The following ANKS1B variants were observed in gnomAD, a reference collection of about 807,000 sequenced individuals.
ANKS1B encodes the protein ankyrin repeat and sterile alpha motif domain-containing protein 1B.
A neutral mutation model predicts 148.3 loss-of-function variants in ANKS1B; 36 were observed. The ratio of observed to expected loss-of-function variants is 0.24; its 90% confidence interval spans 0.19 to 0.32. The LOEUF (loss-of-function observed/expected upper bound fraction) is 0.32, where lower values mean the gene tolerates loss of function less well. ANKS1B is among the 10% of genes least tolerant of loss of function. The pLI, the probability that ANKS1B is intolerant of heterozygous loss-of-function variation, is 1.00. For missense variants in ANKS1B, 1,157 were observed against 1,542.6 expected (o/e 0.75, Z 4.19); for synonymous variants, 542 against 560.8 (o/e 0.97, Z 0.47).
At chr12:98,894,991 A>AGCGGCAGCGGCG (rs2099761668) in intron 17 of ANKS1B, 2 of 716,130 alleles carry the variant, frequency 2.8e-6, no homozygotes, top group Non-Finnish European at 3.4e-6. Context: ...CCCTGGCGGC[A>AGCGGCAGCGGCG]GCGGCGGCGG....
intron 16 of ANKS1B, among the ~76,000 whole-genome samples, chr12:99,064,067 T>C (rs1006142533): frequency 2.0e-5 from 3 of 152,208 alleles, no homozygotes; most frequent in African/African-American, 7.2e-5. Flanking sequence ...CACCACTGAC[T>C]GAGCCTTACT....
intron 1 of ANKS1B, among the ~76,000 whole-genome samples, chr12:99,933,677 A>G (rs2094684168): frequency 6.6e-6 from 1 of 152,136 alleles, no homozygotes; most frequent in South Asian, 2.1e-4. Context: ...AGACTATATC[A>G]TCTGCAAACA....
At chr12:99,431,912 G>A (rs903054852) in intron 11 of ANKS1B, among the ~76,000 whole-genome samples, 2 of 152,084 alleles carry the variant, frequency 1.3e-5, no homozygotes, top group Non-Finnish European at 2.9e-5. Context: ...CCTAGTAGAG[G>A]GTATTTGGGT....
chr12:99,216,647 T>C (rs1391546827), intron 14 of ANKS1B, among the ~76,000 whole-genome samples: 5 of 152,220 alleles, frequency 3.3e-5, no homozygotes, highest in Middle Eastern at 3.2e-3. Flanking sequence ...AAAATCTTAG[T>C]AGAGATCTGT....
At chr12:99,514,942 A>G (rs1478009220) in intron 9 of ANKS1B, among the ~76,000 whole-genome samples, 1 of 152,072 alleles carries the variant, frequency 6.6e-6, no homozygotes, top group African/African-American at 2.4e-5. Context: ...TCTCCAGTCT[A>G]GCAATATTGG....
At chr12:99,548,300 T>C (rs1032759002) in intron 9 of ANKS1B, among the ~76,000 whole-genome samples, 2 of 152,208 alleles carry the variant, frequency 1.3e-5, no homozygotes, top group Non-Finnish European at 2.9e-5. Flanking sequence ...TTCAAATTTC[T>C]TTGCCTGATT....
intron 14 of ANKS1B, among the ~76,000 whole-genome samples, chr12:99,237,133 G>A (rs748573826): frequency 2.0e-5 from 3 of 152,204 alleles, no homozygotes; most frequent in African/African-American, 4.8e-5. Context: ...AGGATGGTAA[G>A]ATTTGGGGCT....
At chr12:99,293,501 AAAAAT>A (rs763974664) in intron 12 of ANKS1B, among the ~76,000 whole-genome samples, 3 of 152,216 alleles carry the variant, frequency 2.0e-5, no homozygotes, top group East Asian at 1.9e-4. Context: ...AAGCATAATA[AAAAAT>A]AAAATAAAAT....
chr12:98,898,417 A>G (rs2099767743), intron 17 of ANKS1B, among the ~76,000 whole-genome samples: 2 of 152,106 alleles, frequency 1.3e-5, no homozygotes, highest in African/African-American at 4.8e-5. Context: ...GCCCCTATTC[A>G]TTGTCAAATT....
rs769971671 is a variant in ANKS1B at position 99,246,840 on chromosome 12, T to C, written c.1781A>G (p.Asn594Ser). 3.1e-6 allele frequency: 5 copies of C among 1,599,724 alleles called. No individual in the cohort carries two copies. The highest frequency in any genetic ancestry group is 1.7e-5 in the Admixed American group (1 of 57,650). ...HTDDLSRQDDNDPPKEYDPGQ... is the reference protein window; with the variant it reads ...HTDDLSRQDDSDPPKEYDPGQ... The stretch of plus-strand genomic sequence containing the variant: ...AGGATCATATTCTTTTGGGGGATCA[T>C]TGTCATCCTGTCGGGAGAGGTCATC... The change falls in exon 13 of 27, where the codon AAT becomes AGT. Residue 594 changes from asparagine (N) to serine (S), a missense_variant. Physicochemically the swap from Asn to Ser is conservative, Grantham distance 46 (BLOSUM62 1). This residue lies in a region of ANKS1B where 661 missense variants were observed against 642.1 expected (regional missense o/e 1.03). Coordinates refer to ENST00000683438, the MANE Select transcript of ANKS1B (RefSeq NM_001352186.2).
chr12:99,733,895 G>A (rs572592778), intron 8 of ANKS1B, among the ~76,000 whole-genome samples: 7 of 152,240 alleles, frequency 4.6e-5, no homozygotes, highest in African/African-American at 1.7e-4. Flanking sequence ...CTATTGGGTT[G>A]TCAGTAGCTA....
chr12:99,270,687 T>C (rs576864262), intron 12 of ANKS1B, among the ~76,000 whole-genome samples: 1 of 152,282 alleles, frequency 6.6e-6, no homozygotes, highest in African/African-American at 2.4e-5. Context: ...CCTCAACCCA[T>C]TTTTTGCACT....
At chr12:99,142,359 G>A (rs976522143) in intron 15 of ANKS1B, among the ~76,000 whole-genome samples, 1 of 152,052 alleles carries the variant, frequency 6.6e-6, no homozygotes, top group Non-Finnish European at 1.5e-5. Flanking sequence ...AGAGGCTGAT[G>A]GTATTAAGGC....
At chr12:99,445,352 G>A (rs2095619245) in intron 10 of ANKS1B, among the ~76,000 whole-genome samples, 1 of 151,984 alleles carries the variant, frequency 6.6e-6, no homozygotes, top group African/African-American at 2.4e-5. Flanking sequence ...AAGGACTGGA[G>A]GCAGGTAGGG....
At chr12:99,006,355 C>G (rs919405214) in intron 17 of ANKS1B, among the ~76,000 whole-genome samples, 1 of 152,002 alleles carries the variant, frequency 6.6e-6, no homozygotes, top group Non-Finnish European at 1.5e-5. Context: ...GGACACAGTC[C>G]CTGCTTTTGA....
intron 12 of ANKS1B, among the ~76,000 whole-genome samples, chr12:99,304,033 G>C (rs1244802789): frequency 2.0e-5 from 3 of 152,050 alleles, no homozygotes; most frequent in African/African-American, 7.2e-5. Context: ...ATTTAGGTTG[G>C]TTCCATATTT....
chr12:99,386,938 A>G (rs1212257602), intron 12 of ANKS1B, among the ~76,000 whole-genome samples: 1 of 152,360 alleles, frequency 6.6e-6, no homozygotes, highest in East Asian at 1.9e-4. Flanking sequence ...ATCCCAGCAA[A>G]GCAAATATTC....
chr12:99,671,928 C>A (rs989210175), intron 8 of ANKS1B, among the ~76,000 whole-genome samples: 1 of 152,024 alleles, frequency 6.6e-6, no homozygotes, highest in African/African-American at 2.4e-5. Context: ...TCTCCCCCAC[C>A]CCAAATAATC....
intron 14 of ANKS1B, among the ~76,000 whole-genome samples, chr12:99,234,036 T>C (rs2087370156): frequency 6.6e-6 from 1 of 152,138 alleles, no homozygotes; most frequent in Admixed American, 6.6e-5. Context: ...CTTAAGATTT[T>C]ATTCTCCCAA....
Sources: allele counts gnomAD v4.1 joint callset (sites outside exome capture counted in the v4.1 genomes callset), GRCh38; gene constraint gnomAD v4.1.1; regional missense constraint gnomAD v4.1.1; transcripts MANE v1.5; gene names NCBI Gene and HGNC (gene_info 2026-07-23, HGNC 2026-07-21).